Variants in EZH2 observed in about 807,000 individuals in gnomAD.
EZH2 encodes histone-lysine N-methyltransferase EZH2.
A neutral mutation model predicts 98.4 loss-of-function variants in EZH2; 18 were observed. The ratio of observed to expected loss-of-function variants is 0.18; its 90% confidence interval spans 0.13 to 0.27. EZH2 has a LOEUF of 0.27. Among genes scored for constraint, EZH2 ranks in the 10% least tolerant of loss-of-function variants. EZH2 has a pLI of 1.00. For synonymous variants in EZH2, 338 were observed against 312.3 expected (o/e 1.08, Z -0.87); for missense variants, 470 against 935.1 (o/e 0.50, Z 6.49).
intron 15 of EZH2, 132 bp from the exon 16 acceptor site, chr7:148,811,852 G>A (rs1404835817): frequency 1.2e-5 from 8 of 694,264 alleles, no homozygotes; most frequent in South Asian, 9.1e-5. Context: ...GGCAGTAATT[G>A]GGCACACAGC....
chr7:148,812,326 G>C (rs911613945), intron 15 of EZH2, among the ~76,000 whole-genome samples: 2 of 152,146 alleles, frequency 1.3e-5, no homozygotes, highest in Non-Finnish European at 2.9e-5. Flanking sequence ...TCTATTTTCA[G>C]CAGAAATGCC....
intron 1 of EZH2, among the ~76,000 whole-genome samples, chr7:148,872,322 A>C (rs1377479670): frequency 6.6e-6 from 1 of 152,202 alleles, no homozygotes. Context: ...GTGGCTGCCA[A>C]GAATTTGGGG....
chr7:148,833,699 G>C (rs1446880916), intron 3 of EZH2, among the ~76,000 whole-genome samples: 1 of 152,082 alleles, frequency 6.6e-6, no homozygotes, highest in African/African-American at 2.4e-5. Context: ...CTATGTGCTA[G>C]GCTATTTTAA....
intron 3 of EZH2, among the ~76,000 whole-genome samples, chr7:148,840,714 T>C (rs1585110139): frequency 6.6e-6 from 1 of 152,184 alleles, no homozygotes; most frequent in Non-Finnish European, 1.5e-5. Flanking sequence ...TCAAGTGATA[T>C]TCTTTTATAA....
At chr7:148,875,546 A>G (rs1820056920) in intron 1 of EZH2, among the ~76,000 whole-genome samples, 1 of 152,218 alleles carries the variant, frequency 6.6e-6, no homozygotes, top group South Asian at 2.1e-4. Context: ...CAAACCCACA[A>G]TGAGATACTT....
Position 148,868,854 on chromosome 7 carries a change from T to A in EZH2, c.-8+15310A>T, listed in dbSNP as rs142809554. On this transcript the variant is annotated intron_variant, in intron 1 of 19. Transcript: ENST00000320356. ...CCCAATAAGAAATTTGAAGAAATTTTCTTTTCTAGAAAATGTGTATAGTAC... is the reference window on the plus strand; with the variant it reads ...CCCAATAAGAAATTTGAAGAAATTTACTTTTCTAGAAAATGTGTATAGTAC... 4.8e-3 allele frequency among the ~76,000 whole-genome samples: 728 copies of A among 152,322 alleles called. 9 individuals carry two copies. The highest frequency in any genetic ancestry group is 0.017 in the African/African-American group (695 of 41,554).
At chr7:148,874,427 TA>T (rs1428450898) in intron 1 of EZH2, among the ~76,000 whole-genome samples, 1 of 151,596 alleles carries the variant, frequency 6.6e-6, no homozygotes, top group African/African-American at 2.4e-5. Flanking sequence ...CTATCAGAGA[TA>T]ATACTAATTC....
chr7:148,820,136 A>G (rs1171525555), intron 8 of EZH2, among the ~76,000 whole-genome samples: 3 of 152,216 alleles, frequency 2.0e-5, no homozygotes, highest in Non-Finnish European at 4.4e-5. Context: ...CTCATTTTTA[A>G]TGATAAAGAG....
intron 1 of EZH2, among the ~76,000 whole-genome samples, chr7:148,870,709 A>G (rs888037004): frequency 6.6e-6 from 1 of 151,690 alleles, no homozygotes; most frequent in Non-Finnish European, 1.5e-5. Context: ...AAAAAAAAAA[A>G]AAGTATAAAG....
intron 1 of EZH2, among the ~76,000 whole-genome samples, chr7:148,854,299 G>A (rs1293960125): frequency 1.3e-5 from 2 of 152,172 alleles, no homozygotes; most frequent in Admixed American, 6.5e-5. Context: ...AGCCAGGCGT[G>A]GTGGCGGGCA....
intron 1 of EZH2, among the ~76,000 whole-genome samples, chr7:148,861,077 G>A (rs1268029817): frequency 1.3e-5 from 2 of 152,092 alleles, no homozygotes; most frequent in Non-Finnish European, 2.9e-5. Context: ...ATCCACAGAT[G>A]CTCATCTCTT....
chr7:148,881,662 C>A (rs1490574615), intron 1 of EZH2, among the ~76,000 whole-genome samples: 1 of 152,048 alleles, frequency 6.6e-6, no homozygotes, highest in Non-Finnish European at 1.5e-5. Context: ...CTAGGCTGGG[C>A]GTGGTGGCTC....
At chr7:148,837,846 T>C (rs1811298822) in intron 3 of EZH2, among the ~76,000 whole-genome samples, 2 of 152,216 alleles carry the variant, frequency 1.3e-5, no homozygotes, top group African/African-American at 2.4e-5. Context: ...GAGTAATTCA[T>C]ATCAGATTGT....
intron 3 of EZH2, among the ~76,000 whole-genome samples, chr7:148,834,673 A>G (rs1369554422): frequency 6.6e-6 from 1 of 152,180 alleles, no homozygotes; most frequent in Non-Finnish European, 1.5e-5. Context: ...AATACTAATA[A>G]GGCTCTTAAC....
rs532865965 is a variant in EZH2, at chr7:148,822,333, A to G, written c.908-2646T>C. ...GAGACCGGCCTGGCCAACATGGCAA[A>G]ACCACATCTCTACTAAAAATAGAAA... On this transcript the variant is annotated intron_variant, in intron 8 of 19. Coordinates refer to ENST00000320356, the MANE Select transcript of EZH2 (RefSeq NM_004456.5). 2.6e-5 allele frequency among the ~76,000 whole-genome samples: 4 copies of G among 151,918 alleles called. No homozygotes were observed. In the South Asian group the frequency reaches 6.2e-4, roughly 24 times the overall value.
intron 3 of EZH2, among the ~76,000 whole-genome samples, chr7:148,836,607 AG>A (rs1810982559): frequency 6.6e-6 from 1 of 152,212 alleles, no homozygotes; most frequent in Non-Finnish European, 1.5e-5. Flanking sequence ...TCCTGGACTC[AG>A]GAACTTACTA....
chr7:148,862,750 A>G (rs1817870941), intron 1 of EZH2, among the ~76,000 whole-genome samples: 1 of 152,196 alleles, frequency 6.6e-6, no homozygotes, highest in Admixed American at 6.5e-5. Context: ...CATGCACGCA[A>G]GGATCAAGAT....
intron 9 of EZH2, chr7:148,818,853 GAAT>G (rs1805272003): frequency 5.7e-6 from 2 of 347,894 alleles, no homozygotes; most frequent in Non-Finnish European, 1.1e-5. Flanking sequence ...GCCTTGTAAA[GAAT>G]ATTATAAAAC....
intron 1 of EZH2, among the ~76,000 whole-genome samples, chr7:148,875,673 A>C (rs1309800662): frequency 6.6e-6 from 1 of 152,254 alleles, no homozygotes; most frequent in African/African-American, 2.4e-5. Flanking sequence ...AAAATGGTAC[A>C]ACTATTTTGG....
Sources: allele counts gnomAD v4.1 joint callset (sites outside exome capture counted in the v4.1 genomes callset), GRCh38; gene constraint gnomAD v4.1.1; transcripts MANE v1.5; gene names NCBI Gene and HGNC (gene_info 2026-07-23, HGNC 2026-07-21).